GLG1: variants seen among roughly 807,000 people sequenced by gnomAD.
GLG1 encodes the protein golgi glycoprotein 1, also known as Golgi apparatus protein 1.
In GLG1, 38 loss-of-function variants were observed where a neutral mutation model predicts 160.5. The ratio of observed to expected loss-of-function variants is 0.24; its 90% CI spans 0.18 to 0.31. GLG1 has a LOEUF of 0.31. Among genes scored for constraint, GLG1 ranks in the 10% least tolerant of loss-of-function variants. GLG1 has a pLI of 1.00. For missense variants in GLG1, 1,373 were observed against 1,505.2 expected, an observed-to-expected ratio of 0.91 and a Z score of 1.45; for synonymous variants, 644 against 543.4, an observed-to-expected ratio of 1.19 and a Z score of -2.57.
intron 8 of GLG1, among the ~76,000 whole-genome samples, chr16:74,487,603 G>A (rs534037630): frequency 1.3e-5 from 2 of 152,216 alleles, no homozygotes; most frequent in South Asian, 2.1e-4. Context: ...AATTACTATC[G>A]AATGATTACC....
rs1411039636 is a variant in GLG1, at chr16:74,512,266, T to G, written c.472-3341A>C. Among the ~76,000 whole-genome samples, 8 of 137,314 alleles carry G rather than the reference T, an allele frequency of 5.8e-5. No individual in the cohort carries two copies. In the Admixed American group the frequency reaches 6.1e-4, roughly 11 times the overall value. The allele number at this position is 137,314 out of a possible 152,430, so 90.1% of individuals were successfully genotyped here. On this transcript the variant is annotated intron_variant, in intron 2 of 25. Coordinates refer to ENST00000422840, the MANE Select transcript of GLG1 (RefSeq NM_001145667.2). Reference sequence around the variant, plus strand: ...CTCCGCCTGGGTGACAGAGCGAGAATCCATATTAAAAAAAAAAAAAAAAAT... The same window carrying G: ...CTCCGCCTGGGTGACAGAGCGAGAAGCCATATTAAAAAAAAAAAAAAAAAT...
intron 2 of GLG1, among the ~76,000 whole-genome samples, chr16:74,517,647 G>T (rs1257667369): frequency 6.6e-6 from 1 of 152,110 alleles, no homozygotes; most frequent in Non-Finnish European, 1.5e-5. Flanking sequence ...CAAAAGACAA[G>T]GATGCCCTCT....
At chr16:74,516,934 A>C (rs2016997893) in intron 2 of GLG1, among the ~76,000 whole-genome samples, 1 of 152,220 alleles carries the variant, frequency 6.6e-6, no homozygotes, top group Non-Finnish European at 1.5e-5. Context: ...CCTCTATGCA[A>C]ATAAACTAGA....
chr16:74,525,483 A>AG (rs538748526), intron 2 of GLG1, among the ~76,000 whole-genome samples: 332 of 151,320 alleles, frequency 2.2e-3, no homozygotes, highest in Admixed American at 4.0e-3. Flanking sequence ...TTGTAGAGAT[A>AG]GGGGGTCTCC....
At chr16:74,571,770 C>A (rs967937779) in intron 1 of GLG1, among the ~76,000 whole-genome samples, 2 of 152,064 alleles carry the variant, frequency 1.3e-5, no homozygotes, top group Non-Finnish European at 2.9e-5. Context: ...GGTGTGACTG[C>A]ACCACTGCAC....
At chr16:74,544,925 G>C (rs1204242582) in intron 1 of GLG1, among the ~76,000 whole-genome samples, 8 of 151,588 alleles carry the variant, frequency 5.3e-5, no homozygotes, top group African/African-American at 1.9e-4. Context: ...TTCTAGAAGA[G>C]TGTTAATTCT....
chr16:74,470,744 G>A (rs950516305), intron 15 of GLG1, among the ~76,000 whole-genome samples: 5 of 151,540 alleles, frequency 3.3e-5, no homozygotes, highest in African/African-American at 7.3e-5. Flanking sequence ...CACCATGCCC[G>A]GCTGGAAAAA....
chr16:74,555,556 G>A (rs1339835775), intron 1 of GLG1, among the ~76,000 whole-genome samples: 1 of 151,902 alleles, frequency 6.6e-6, no homozygotes, highest in Non-Finnish European at 1.5e-5. Flanking sequence ...CAGGTGTGGT[G>A]GTGTGTGCCT....
chr16:74,529,696 G>C (rs1403914469), intron 2 of GLG1, among the ~76,000 whole-genome samples: 1 of 151,540 alleles, frequency 6.6e-6, no homozygotes, highest in African/African-American at 2.4e-5. Context: ...GTTCTCTAAA[G>C]AGTCCTGACT....
intron 12 of GLG1, among the ~76,000 whole-genome samples, chr16:74,477,114 T>C (rs897978099): frequency 6.6e-6 from 1 of 152,204 alleles, no homozygotes; most frequent in Non-Finnish European, 1.5e-5. Context: ...GGCCATACCA[T>C]TGGCTCTAGA....
intron 1 of GLG1, among the ~76,000 whole-genome samples, chr16:74,603,984 TAA>T (rs780147517): frequency 4.7e-4 from 65 of 138,200 alleles, no homozygotes; most frequent in Non-Finnish European, 6.8e-4. Context: ...CCGAGAGCGT[TAA>T]AAAAAAAAAA....
At chr16:74,464,767 G>T (rs1016098343) in intron 19 of GLG1, among the ~76,000 whole-genome samples, 5 of 152,158 alleles carry the variant, frequency 3.3e-5, no homozygotes, top group African/African-American at 1.2e-4. Context: ...TTATTTGATA[G>T]TGTAAAAAGT....
chr16:74,565,156 C>T (rs181192653), intron 1 of GLG1, among the ~76,000 whole-genome samples: 1 of 152,136 alleles, frequency 6.6e-6, no homozygotes, highest in East Asian at 1.9e-4. Context: ...ATGGTGAAAT[C>T]TGTCTCTACT....
At chr16:74,486,332 G>C (rs538873091) in intron 8 of GLG1, among the ~76,000 whole-genome samples, 2 of 152,304 alleles carry the variant, frequency 1.3e-5, no homozygotes, top group East Asian at 3.9e-4. Flanking sequence ...TAAGAATCTA[G>C]AATTTGAATT....
intron 24 of GLG1, among the ~76,000 whole-genome samples, chr16:74,457,205 G>A (rs143461863): frequency 6.6e-6 from 1 of 152,272 alleles, no homozygotes; most frequent in East Asian, 1.9e-4. Context: ...GACTAGCCTG[G>A]CCAACATGGC....
At chr16:74,510,093 G>A (rs576069082) in intron 2 of GLG1, among the ~76,000 whole-genome samples, 31 of 149,632 alleles carry the variant, frequency 2.1e-4, no homozygotes, top group African/African-American at 6.2e-4. Flanking sequence ...GTGCAATGGC[G>A]CGATCTCGGC....
Position 74,573,538 on chromosome 16 carries a change from C to T in GLG1, c.438+33119G>A, listed in dbSNP as rs1468526896. Among the ~76,000 whole-genome samples, 4 of 149,528 alleles carry T rather than the reference C, an allele frequency of 2.7e-5. No individual in the cohort carries two copies. In the South Asian group the frequency reaches 8.4e-4, roughly 31 times the overall value. ...AAAACTTATACTTATATATCTAAAGCTGGCATGAATCCTCATCTTCCTTCC... is the reference window on the plus strand; with the variant it reads ...AAAACTTATACTTATATATCTAAAGTTGGCATGAATCCTCATCTTCCTTCC... On this transcript the variant is annotated intron_variant, in intron 1 of 25. Coordinates refer to ENST00000422840, the MANE Select transcript of GLG1 (RefSeq NM_001145667.2).
intron 1 of GLG1, among the ~76,000 whole-genome samples, chr16:74,569,894 C>T (rs572039065): frequency 3.9e-4 from 56 of 143,674 alleles, no homozygotes; most frequent in African/African-American, 1.3e-3. Flanking sequence ...AAAAAAGCAA[C>T]GGTTTTGGCC....
intron 1 of GLG1, among the ~76,000 whole-genome samples, chr16:74,551,435 C>T (rs1261549189): frequency 1.3e-5 from 2 of 149,132 alleles, no homozygotes; most frequent in Non-Finnish European, 3.0e-5. Context: ...TCCTAAATAG[C>T]TGGGGACCAC....
Sources: allele counts gnomAD v4.1 joint callset (sites outside exome capture counted in the v4.1 genomes callset), GRCh38; gene constraint gnomAD v4.1.1; transcripts MANE v1.5; gene names NCBI Gene and HGNC (gene_info 2026-07-23, HGNC 2026-07-21).